The following CAP2 variants were observed in gnomAD, a reference collection of about 807,000 sequenced individuals.
CAP2 encodes cyclase associated actin cytoskeleton regulatory protein 2, also known as adenylyl cyclase-associated protein 2.
In CAP2, 24 loss-of-function variants were observed where a neutral mutation model predicts 57.7. The ratio of observed to expected loss-of-function variants is 0.42; its 90% CI spans 0.30 to 0.58. The LOEUF (loss-of-function observed/expected upper bound fraction) is 0.58. CAP2 is among the 20% of genes least tolerant of loss of function. CAP2 has a pLI of 0.22. For synonymous variants in CAP2, 194 were observed against 207.2 expected (o/e 0.94, Z 0.55); for missense variants, 501 against 590.3 (o/e 0.85, Z 1.57).
chr6:17,406,340 A>G lies in CAP2; in HGVS notation c.-2+12594A>G, dbSNP rs150636110. On this transcript the variant is annotated intron_variant, in intron 1 of 12. Coordinates refer to ENST00000229922, the MANE Select transcript of CAP2 (RefSeq NM_006366.3). The stretch of plus-strand genomic sequence containing the variant: ...ATAAAATACCAGGAATTCTCCCCAT[A>G]CTCTGTGGACCACAAGGTCCCCTGT... Among the ~76,000 whole-genome samples the G allele has an allele frequency of 1.0e-3, 147 of 146,954 alleles. 2 individuals carry two copies. The highest frequency in any genetic ancestry group is 3.6e-3 in the African/African-American group (139 of 38,796).
intron 4 of CAP2, among the ~76,000 whole-genome samples, chr6:17,499,335 G>T (rs1416555010): frequency 7.1e-6 from 1 of 140,530 alleles, no homozygotes; most frequent in African/African-American, 2.6e-5. Flanking sequence ...GAAGGTGGAC[G>T]TTGCAGTGAG....
chr6:17,521,879 C>T (rs759094048), intron 7 of CAP2, among the ~76,000 whole-genome samples: 4 of 152,064 alleles, frequency 2.6e-5, no homozygotes, highest in South Asian at 2.1e-4. Context: ...GAGGCTGAGG[C>T]GGGTAGATCA....
In CAP2 at chr6:17,507,770, G is replaced by A. The variant is rs201244167; in HGVS notation, c.530+44G>A. The A allele has an allele frequency of 1.3e-4, 135 of 1,066,228 alleles. No homozygotes were observed. In the African/African-American group the frequency reaches 1.9e-3, roughly 15 times the overall value. The allele number at this position is 1,066,228 out of a possible 1,614,324, so 66.0% of individuals were successfully genotyped here. A position where few individuals can be genotyped will look rare whatever the true frequency, so the allele number is the denominator to read the frequency against. On this transcript the variant is annotated intron_variant, in intron 6 of 12. Transcript: ENST00000229922. The stretch of plus-strand genomic sequence containing the variant: ...TCACCAAATTTTCAGTTGATTACTT[G>A]TTAGACATTTGTCCCTAAAACTCAG...
intron 1 of CAP2, among the ~76,000 whole-genome samples, chr6:17,397,792 G>A (rs1758709244): frequency 6.9e-6 from 1 of 144,100 alleles, no homozygotes; most frequent in Non-Finnish European, 1.5e-5. Flanking sequence ...CACCATTCTT[G>A]TTGACAGGCA....
chr6:17,547,894 T>G (rs181898019), intron 11 of CAP2, among the ~76,000 whole-genome samples: 87 of 146,086 alleles, frequency 6.0e-4, no homozygotes, highest in African/African-American at 2.0e-3. Flanking sequence ...TTGAGAGAGA[T>G]AAAACTGGAA....
intron 4 of CAP2, among the ~76,000 whole-genome samples, chr6:17,500,420 G>C (rs1345587314): frequency 7.5e-6 from 1 of 132,740 alleles, no homozygotes; most frequent in Admixed American, 8.2e-5. Flanking sequence ...CCAGGCTGGA[G>C]TGCAGTGGCA....
chr6:17,520,260 A>G (rs1762360321), intron 7 of CAP2, among the ~76,000 whole-genome samples: 2 of 152,080 alleles, frequency 1.3e-5, no homozygotes. Flanking sequence ...GGCGTGCACC[A>G]ACATGCCTGG....
At chr6:17,427,552 T>C (rs1412880886) in intron 3 of CAP2, among the ~76,000 whole-genome samples, 2 of 151,188 alleles carry the variant, frequency 1.3e-5, no homozygotes, top group African/African-American at 4.9e-5. Context: ...CTCTACGCAC[T>C]GTTGATGGGA....
At chr6:17,423,258 G>A (rs1023049024) in intron 2 of CAP2, among the ~76,000 whole-genome samples, 7 of 152,162 alleles carry the variant, frequency 4.6e-5, no homozygotes, top group African/African-American at 1.7e-4. Context: ...CAAATGTGCT[G>A]GCTGGTTTAT....
chr6:17,445,587 C>A (rs991489034), intron 3 of CAP2, among the ~76,000 whole-genome samples: 3 of 152,098 alleles, frequency 2.0e-5, no homozygotes, highest in African/African-American at 7.2e-5. Context: ...TTGGTGGGGA[C>A]TTTACTGTGT....
chr6:17,395,052 A>G (rs1022434894), intron 1 of CAP2, among the ~76,000 whole-genome samples: 2 of 152,240 alleles, frequency 1.3e-5, no homozygotes, highest in African/African-American at 4.8e-5. Flanking sequence ...TCAAAGTGTC[A>G]TATAAATACT....
chr6:17,547,366 A>G (rs997234808), intron 11 of CAP2, among the ~76,000 whole-genome samples: 2 of 151,034 alleles, frequency 1.3e-5, no homozygotes, highest in Admixed American at 6.6e-5. Flanking sequence ...ACATTTCATA[A>G]CTGAATTGAG....
At position 17,542,820 on chromosome 6, in the gene CAP2, A is replaced by G. The variant is rs750597851; in HGVS notation, c.1003-17A>G. On this transcript the variant is annotated splice_polypyrimidine_tract_variant and intron_variant, in intron 9 of 12. Transcript: ENST00000229922. The stretch of plus-strand genomic sequence containing the variant: ...ATATATGCTGATGTTTAATATTTGT[A>G]TTTGTCTTAATTCTAGGAGTACCAA... The G allele has an allele frequency of 7.5e-6, 12 of 1,596,370 alleles. No individual in the cohort carries two copies. In the Admixed American group the frequency reaches 1.5e-4, roughly 21 times the overall value.
At chr6:17,415,976 G>A (rs1759262327) in intron 1 of CAP2, among the ~76,000 whole-genome samples, 1 of 151,836 alleles carries the variant, frequency 6.6e-6, no homozygotes, top group Non-Finnish European at 1.5e-5. Flanking sequence ...AAGGAGTGCT[G>A]CTAGTTTCCA....
chr6:17,455,191 C>T (rs1561789769), intron 3 of CAP2, among the ~76,000 whole-genome samples: 1 of 151,798 alleles, frequency 6.6e-6, no homozygotes, highest in Non-Finnish European at 1.5e-5. Context: ...AAGATCTAAG[C>T]TTATAAGGAG....
chr6:17,470,067 G>T (rs114925433), intron 4 of CAP2, among the ~76,000 whole-genome samples: 135 of 152,298 alleles, frequency 8.9e-4, no homozygotes, highest in African/African-American at 3.1e-3. Context: ...CTTTGGACTT[G>T]GGCCTACTTG....
chr6:17,548,798 T>C (rs1183920871), intron 11 of CAP2, among the ~76,000 whole-genome samples: 1 of 152,210 alleles, frequency 6.6e-6, no homozygotes, highest in South Asian at 2.1e-4. Context: ...CTGAAATCAA[T>C]AGATGCATAG....
In CAP2 at chr6:17,406,400, T is replaced by TTTTTTTTTTTTTTTTTTTTTTC. The variant is rs775136481; in HGVS notation, c.-2+12667_-2+12668insTTTTTTTTCTTTTTTTTTTTTT. On this transcript the variant is annotated intron_variant, in intron 1 of 12. Transcript: ENST00000229922. ...TTTCTGTCAGTAAGCCCAGATTTCT[T>TTTTTTTTTTTTTTTTTTTTTTC]TTTTTTTTTTTTTGAGGCAGTCTCA... is the stretch of plus-strand genomic sequence containing the variant. Among the ~76,000 whole-genome samples, 71 of 135,568 alleles carry TTTTTTTTTTTTTTTTTTTTTTC rather than the reference T, an allele frequency of 5.2e-4. 5 individuals carry two copies. The highest frequency in any genetic ancestry group is 1.9e-3 in the African/African-American group (63 of 32,872). 88.9% of individuals were successfully genotyped at this position (135,568 alleles called of 152,430 possible).
chr6:17,518,346 A>AATT, intron 7 of CAP2, among the ~76,000 whole-genome samples: 1 of 152,338 alleles, frequency 6.6e-6, no homozygotes, highest in Non-Finnish European at 1.5e-5. Flanking sequence ...AAATCAAGCT[A>AATT]ATTTCTCCTC....
Sources: gnomAD v4.1 joint callset for allele counts (sites outside exome capture counted in the v4.1 genomes callset) on GRCh38, gnomAD v4.1.1 for gene constraint, MANE v1.5 for transcripts, NCBI Gene and HGNC (gene_info 2026-07-23, HGNC 2026-07-21) for gene names.